USP9X: variants seen among roughly 807,000 people sequenced by gnomAD.
USP9X encodes ubiquitin specific peptidase 9 X-linked.
Under a neutral mutation model 190.3 loss-of-function variants are expected in USP9X, and 7 were observed. The ratio of observed to expected loss-of-function variants is 0.04; its 90% CI spans 0.02 to 0.07. The LOEUF (loss-of-function observed/expected upper bound fraction) is 0.07, where lower values mean the gene tolerates loss of function less well. Among genes scored for constraint, USP9X ranks in the 10% least tolerant of loss-of-function variants. The pLI, the probability that USP9X is intolerant of heterozygous loss-of-function variation, is 1.00. For missense variants in USP9X, 1,010 were observed against 1,916.9 expected, an observed-to-expected ratio of 0.53 and a Z score of 8.83; for synonymous variants, 645 against 659.5, an observed-to-expected ratio of 0.98 and a Z score of 0.34.
intron 32 of USP9X, among the ~76,000 whole-genome samples, chrX:41,208,166 A>T (rs996330842): frequency 9.2e-5 from 10 of 109,260 alleles, no homozygotes; most frequent in Non-Finnish European, 1.7e-4. Flanking sequence ...CTGGGATTAC[A>T]GGCGCCTGCC....
Position 41,202,275 on chromosome X carries a change from C to A in USP9X, c.4824+995C>A. Among the ~76,000 whole-genome samples the A allele has an allele frequency of 3.6e-5, 4 of 111,730 alleles. No individual in the cohort carries two copies. The Admixed American group carries it at 3.8e-4, about 11-fold the overall frequency. The stretch of plus-strand genomic sequence containing the variant: ...AGTCTTGTGGCAAAATTTAGGCTGC[C>A]TACTGAGTATCCAGTGCAGTATAAA... On this transcript the variant is annotated intron_variant, in intron 31 of 44. Coordinates refer to ENST00000378308, the MANE Select transcript of USP9X (RefSeq NM_001039591.3).
intron 25 of USP9X, among the ~76,000 whole-genome samples, chrX:41,188,431 C>T (rs946690033): frequency 1.8e-5 from 2 of 111,632 alleles, no homozygotes; most frequent in Non-Finnish European, 3.8e-5. Flanking sequence ...TTCTGTCCTG[C>T]GTAAATTTTG....
intron 18 of USP9X, among the ~76,000 whole-genome samples, 185 bp downstream of exon 18, chrX:41,168,403 G>T (rs2062696047): frequency 9.0e-6 from 1 of 111,298 alleles, no homozygotes; most frequent in Non-Finnish European, 1.9e-5. Flanking sequence ...TTTTGTTTTG[G>T]TTTTTTGGGT....
At chrX:41,225,441 C>T (rs925847856) in intron 41 of USP9X, among the ~76,000 whole-genome samples, 2 of 111,558 alleles carry the variant, frequency 1.8e-5, no homozygotes, top group Non-Finnish European at 3.8e-5. Flanking sequence ...TAATGATGCC[C>T]GAGGATTATT....
At chrX:41,221,318 T>G (rs1430565891) in intron 38 of USP9X, among the ~76,000 whole-genome samples, 1 of 112,176 alleles carries the variant, frequency 8.9e-6, no homozygotes, top group Non-Finnish European at 1.9e-5. Flanking sequence ...GATAAGAGGT[T>G]GTGGACCTGT....
chrX:41,205,235 C>A, intron 31 of USP9X, 68 bp from the exon 32 acceptor site: 1 of 831,951 alleles, frequency 1.2e-6, no homozygotes, highest in Non-Finnish European at 1.7e-6. Flanking sequence ...TGTTCAATAA[C>A]TGCTTGGCAT....
At chrX:41,164,061 C>T (rs193028017) in intron 15 of USP9X, among the ~76,000 whole-genome samples, 1 of 110,580 alleles carries the variant, frequency 9.0e-6, no homozygotes, top group Non-Finnish European at 1.9e-5. Context: ...TTAGAAGAGA[C>T]GGGGTTTCAC....
chrX:41,111,328 T>C (rs2062107114), intron 1 of USP9X, among the ~76,000 whole-genome samples: 1 of 111,895 alleles, frequency 8.9e-6, no homozygotes, highest in Non-Finnish European at 1.9e-5. Flanking sequence ...ACGCTAAATA[T>C]GCTTGGCACC....
intron 41 of USP9X, among the ~76,000 whole-genome samples, chrX:41,226,422 T>C (rs1244529137): frequency 8.9e-6 from 1 of 112,057 alleles, no homozygotes; most frequent in East Asian, 2.8e-4. Context: ...ACATGGAAGA[T>C]AGTATAATAG....
Position 41,138,334 on chromosome X carries a change from G to GT in USP9X, c.654+1319dup, listed in dbSNP as rs1423061821. Among the ~76,000 whole-genome samples the GT allele has an allele frequency of 2.7e-5, 3 of 111,557 alleles. No homozygotes were observed. In the South Asian group the frequency reaches 1.1e-3, roughly 41 times the overall value. On this transcript the variant is annotated intron_variant, in intron 6 of 44. Coordinates refer to ENST00000378308, the MANE Select transcript of USP9X (RefSeq NM_001039591.3). ...AAGAGATATGTAATAGCCTCCATAT[G>GT]TTTTTTTCTCCTGTTCTCCAAAAGT...
intron 4 of USP9X, among the ~76,000 whole-genome samples, chrX:41,132,825 T>C (rs1459795100): frequency 1.8e-5 from 2 of 110,693 alleles, no homozygotes. Flanking sequence ...GTCTCAGTTT[T>C]TGTTTAACCA....
chrX:41,232,448 A>G lies in USP9X; in HGVS notation c.7589A>G (p.Gln2530Arg). The change falls in exon 45 of 45, where the codon CAG becomes CGG. Residue 2530 changes from glutamine to arginine, a missense_variant. Physicochemically the swap from Gln to Arg is conservative, Grantham distance 43. Coordinates refer to ENST00000378308, the MANE Select transcript of USP9X (RefSeq NM_001039591.3). ...GCAGCACATCACATGAACAACCCTC[A>G]GAGAACTGGCCAACGAGCACAAGAA... ...GPAAHHMNNPQRTGQRAQENY... is the reference protein window; with the variant it reads ...GPAAHHMNNPRRTGQRAQENY... The G allele has an allele frequency of 8.3e-7, 1 of 1,211,669 alleles. No individual in the cohort carries two copies. Among genetic ancestry groups the G allele is most frequent in the Non-Finnish European group, 1.1e-6 (1 of 895,420 alleles).
intron 18 of USP9X, among the ~76,000 whole-genome samples, chrX:41,169,393 C>G (rs1045367744): frequency 8.9e-6 from 1 of 111,929 alleles, no homozygotes; most frequent in Non-Finnish European, 1.9e-5. Context: ...ACCATAGATA[C>G]AAGACTAACA....
chrX:41,157,391 A>G (rs775394746), intron 14 of USP9X, among the ~76,000 whole-genome samples: 1 of 110,889 alleles, frequency 9.0e-6, no homozygotes, highest in East Asian at 2.9e-4. Flanking sequence ...GTAAAAATCT[A>G]CTAGTCAAGG....
At position 41,098,835 on chromosome X, in the gene USP9X, G is replaced by A. The variant is rs769521554; in HGVS notation, c.-159+12726G>A. On this transcript the variant is annotated intron_variant, in intron 1 of 44. Coordinates refer to ENST00000378308, the MANE Select transcript of USP9X (RefSeq NM_001039591.3). ...GCTGGGATTACAGGTGTGAGCCACC[G>A]TGCCCAGCCAACTTCGTCTTTTTCA... Among the ~76,000 whole-genome samples the A allele has an allele frequency of 5.4e-5, 6 of 111,047 alleles. No individual in the cohort carries two copies. The East Asian group carries it at 1.4e-3, about 26-fold the overall frequency.
At position 41,165,962 on chromosome X, in the gene USP9X, T is replaced by C. The variant is rs1232108596; in HGVS notation, c.2076T>C (p.Cys692=). ...TAGCTGAGAATGCAGTTTACCTTTG[T>C]GATCGTGAAGCCTGTTTTAAGTGGT... ...KCLAENAVYL[C]DREACFKWYS... The change falls in exon 16 of 45, where the codon TGT becomes TGC. Residue 692 remains cysteine, a synonymous_variant. Transcript: ENST00000378308. 8.3e-7 allele frequency: 1 copy of C among 1,212,052 alleles called. No homozygotes were observed. Among genetic ancestry groups the C allele is most frequent in the South Asian group, 1.8e-5 (1 of 57,024 alleles).
chrX:41,220,196 G>T (rs2063248512), intron 38 of USP9X, among the ~76,000 whole-genome samples: 1 of 111,560 alleles, frequency 9.0e-6, no homozygotes, highest in Non-Finnish European at 1.9e-5. Context: ...TTGGGTATTT[G>T]TAGATGAGAA....
At position 41,172,663 on chromosome X, in the gene USP9X, A is replaced by G. The variant is rs370431308; in HGVS notation, c.3148+705A>G. On this transcript the variant is annotated intron_variant, in intron 21 of 44. Coordinates refer to ENST00000378308, the MANE Select transcript of USP9X (RefSeq NM_001039591.3). The stretch of plus-strand genomic sequence containing the variant: ...AAATATAGTTCTCTAGATCACTGAC[A>G]ACTTTTATCCTGGATTTAATAATTT... 9.6e-4 allele frequency among the ~76,000 whole-genome samples: 108 copies of G among 112,172 alleles called. No individual in the cohort carries two copies. The Middle Eastern group carries it at 0.019, about 19-fold the overall frequency.
intron 30 of USP9X, among the ~76,000 whole-genome samples, chrX:41,199,704 C>T (rs760186184): frequency 8.9e-6 from 1 of 112,079 alleles, no homozygotes; most frequent in Non-Finnish European, 1.9e-5. Context: ...GCTGGAATTA[C>T]AGGTGTGAGC....
Sources: gnomAD v4.1 joint callset for allele counts (sites outside exome capture counted in the v4.1 genomes callset) on GRCh38, gnomAD v4.1.1 for gene constraint, MANE v1.5 for transcripts, NCBI Gene and HGNC (gene_info 2026-07-23, HGNC 2026-07-21) for gene names.